The following EYS variants were observed in gnomAD, a reference collection of about 807,000 sequenced individuals.
EYS encodes EGF-like photoreceptor maintenance factor, also known as protein eyes shut homolog.
EYS carries 250 observed loss-of-function variants against 282.1 expected under a neutral mutation model. The observed-to-expected ratio is 0.89, with a 90% CI of 0.80 to 0.98. The LOEUF (loss-of-function observed/expected upper bound fraction) is 0.98, where lower values mean the gene tolerates loss of function less well. Among genes scored for constraint, EYS ranks in the 50% least tolerant of loss-of-function variants. EYS has a pLI of 0.00. For missense variants in EYS, 4,016 were observed against 3,709.0 expected (o/e 1.08, Z -2.15); for synonymous variants, 1,355 against 1,282.9 (o/e 1.06, Z -1.20).
intron 29 of EYS, among the ~76,000 whole-genome samples, chr6:64,313,079 T>A (rs532910462): frequency 6.6e-6 from 1 of 152,108 alleles, no homozygotes; most frequent in Non-Finnish European, 1.5e-5. Flanking sequence ...AATAACAAAC[T>A]CCTCTGAGCT....
rs571920563 is a variant in EYS at position 64,611,008 on chromosome 6, A to G, written c.3684+6410T>C. Among the ~76,000 whole-genome samples the G allele has an allele frequency of 3.9e-5, 6 of 152,142 alleles. No homozygotes were observed. In the South Asian group the frequency reaches 1.0e-3, roughly 26 times the overall value. ...CCATAGCACTCATTGCTGCCCATAAACAAATTAACAAATAAATAAACACAA... is the reference window on the plus strand; with the variant it reads ...CCATAGCACTCATTGCTGCCCATAAGCAAATTAACAAATAAATAAACACAA... On this transcript the variant is annotated intron_variant, in intron 24 of 42. Transcript: ENST00000503581.
intron 12 of EYS, among the ~76,000 whole-genome samples, chr6:65,074,417 T>A (rs946147768): frequency 6.6e-6 from 1 of 151,982 alleles, no homozygotes; most frequent in African/African-American, 2.4e-5. Context: ...CTACTCAAGG[T>A]CTCGGTGAGA....
At chr6:63,747,003 C>T (rs1422773843) in intron 41 of EYS, among the ~76,000 whole-genome samples, 1 of 151,970 alleles carries the variant, frequency 6.6e-6, no homozygotes, top group Non-Finnish European at 1.5e-5. Flanking sequence ...CTTGCTTCTC[C>T]TGTTCTTTTA....
intron 12 of EYS, among the ~76,000 whole-genome samples, chr6:65,094,902 G>T (rs1423764440): frequency 6.6e-6 from 1 of 151,084 alleles, no homozygotes; most frequent in Non-Finnish European, 1.5e-5. Flanking sequence ...AAGAAAAAAT[G>T]TCAACAAAGT....
chr6:65,007,124 T>A (rs1206159032), intron 13 of EYS, among the ~76,000 whole-genome samples: 1 of 151,978 alleles, frequency 6.6e-6, no homozygotes, highest in Non-Finnish European at 1.5e-5. Flanking sequence ...GTAAAACAGA[T>A]GCAGGACTGC....
intron 10 of EYS, among the ~76,000 whole-genome samples, chr6:65,339,419 A>C (rs1370164797): frequency 6.6e-6 from 1 of 151,270 alleles, no homozygotes; most frequent in African/African-American, 2.4e-5. Context: ...AGATATCTTG[A>C]AAAAGAGAGA....
intron 2 of EYS, among the ~76,000 whole-genome samples, chr6:65,552,825 G>T (rs1768647897): frequency 6.6e-6 from 1 of 151,470 alleles, no homozygotes; most frequent in East Asian, 1.9e-4. Flanking sequence ...CAAAATAAAA[G>T]GGGTAACCAA....
At chr6:65,313,384 C>G (rs142624456) in intron 11 of EYS, among the ~76,000 whole-genome samples, 2 of 151,852 alleles carry the variant, frequency 1.3e-5, no homozygotes, top group Non-Finnish European at 2.9e-5. Context: ...GGATCAGCCC[C>G]GAATTATCCC....
chr6:65,410,783 A>G (rs1396129316), intron 5 of EYS, among the ~76,000 whole-genome samples: 1 of 151,906 alleles, frequency 6.6e-6, no homozygotes, highest in African/African-American at 2.4e-5. Context: ...TAGCCAAAAA[A>G]TGGAATCAAC....
chr6:64,190,899 C>G (rs2150316346), intron 31 of EYS, among the ~76,000 whole-genome samples: 1 of 152,248 alleles, frequency 6.6e-6, no homozygotes, highest in East Asian at 1.9e-4. Flanking sequence ...TGCCTGGTGT[C>G]TTGACGTTTC....
chr6:65,608,701 A>C (rs1765888752), intron 2 of EYS, among the ~76,000 whole-genome samples: 1 of 152,066 alleles, frequency 6.6e-6, no homozygotes, highest in South Asian at 2.1e-4. Context: ...CCTATTATAG[A>C]AGCTTTTTCC....
intron 30 of EYS, among the ~76,000 whole-genome samples, chr6:64,253,958 C>T (rs1767308840): frequency 6.6e-6 from 1 of 151,998 alleles, no homozygotes. Context: ...CTTATTTGTC[C>T]TCTGTATGCA....
At chr6:64,603,921 C>G (rs902688309) in intron 24 of EYS, among the ~76,000 whole-genome samples, 2 of 150,134 alleles carry the variant, frequency 1.3e-5, no homozygotes, top group Non-Finnish European at 3.0e-5. Context: ...CCTGAAGCAT[C>G]TACCAAAAAG....
At chr6:64,466,601 G>C (rs116768276) in intron 26 of EYS, among the ~76,000 whole-genome samples, 3,747 of 152,156 alleles carry the variant, frequency 0.025, 59 homozygotes, top group Non-Finnish European at 0.036. Flanking sequence ...GATTTGGGAG[G>C]AGGTTGAGAA....
intron 4 of EYS, among the ~76,000 whole-genome samples, chr6:65,492,352 A>G (rs368095131): frequency 1.1e-4 from 15 of 138,250 alleles, no homozygotes; most frequent in African/African-American, 2.5e-4. Context: ...AACAAAGAGA[A>G]AGAAAGAAAG....
chr6:64,377,107 G>A (rs112068755), intron 29 of EYS, among the ~76,000 whole-genome samples: 5 of 143,334 alleles, frequency 3.5e-5, no homozygotes, highest in African/African-American at 1.2e-4. Context: ...ATAGATAGAT[G>A]GATAGATAGA....
chr6:65,459,958 T>TGC (rs1414162442), intron 5 of EYS, among the ~76,000 whole-genome samples: 1 of 110,664 alleles, frequency 9.0e-6, no homozygotes, highest in South Asian at 3.0e-4. Flanking sequence ...TGTGTGTGTG[T>TGC]TTGTGTATTT....
intron 11 of EYS, among the ~76,000 whole-genome samples, chr6:65,312,530 T>C (rs1051936355): frequency 1.6e-4 from 24 of 152,296 alleles, no homozygotes; most frequent in African/African-American, 5.3e-4. Flanking sequence ...AAACCTGCAT[T>C]CTATCCCCTC....
intron 12 of EYS, among the ~76,000 whole-genome samples, chr6:65,231,135 A>ATATATACTTTTATG (rs1766769131): frequency 6.9e-6 from 1 of 145,154 alleles, no homozygotes; most frequent in Admixed American, 7.0e-5. Flanking sequence ...ATACTTTTAT[A>ATATATACTTTTATG]TATATACTTT....
Sources: gnomAD v4.1 joint callset for allele counts (sites outside exome capture counted in the v4.1 genomes callset) on GRCh38, gnomAD v4.1.1 for gene constraint, MANE v1.5 for transcripts, NCBI Gene and HGNC (gene_info 2026-07-23, HGNC 2026-07-21) for gene names.